Variants in ADGRB3 observed in about 807,000 individuals in gnomAD.
The protein encoded by ADGRB3 is brain-specific angiogenesis inhibitor 3.
ADGRB3 carries 37 observed loss-of-function variants against 193.4 expected under a neutral mutation model. That is an observed-to-expected ratio of 0.19 (90% CI 0.15 to 0.25). The LOEUF is 0.25. Ranked by LOEUF, ADGRB3 falls within the 10% of genes least tolerant of loss-of-function variation. The pLI is 1.00. For missense variants in ADGRB3, 1,637 were observed against 1,852.9 expected (o/e 0.88, Z 2.14); for synonymous variants, 690 against 644.2 (o/e 1.07, Z -1.08).
chr6:69,227,397 A>G (rs1446163177), intron 17 of ADGRB3, among the ~76,000 whole-genome samples: 1 of 152,210 alleles, frequency 6.6e-6, no homozygotes, highest in Non-Finnish European at 1.5e-5. Flanking sequence ...GATAGTTTTC[A>G]AAGGAGTGAC....
intron 30 of ADGRB3, among the ~76,000 whole-genome samples, chr6:69,382,399 G>T (rs960218680): frequency 1.3e-5 from 2 of 151,882 alleles, no homozygotes; most frequent in Non-Finnish European, 2.9e-5. Context: ...AGCCAGCTAG[G>T]ATTTTAGTGT....
At chr6:69,295,802 C>T (rs1767803543) in intron 20 of ADGRB3, among the ~76,000 whole-genome samples, 1 of 152,136 alleles carries the variant, frequency 6.6e-6, no homozygotes, top group Non-Finnish European at 1.5e-5. Flanking sequence ...AGTCAATAAC[C>T]TGCAAACCAT....
intron 17 of ADGRB3, among the ~76,000 whole-genome samples, chr6:69,125,329 G>A (rs1186136201): frequency 2.0e-5 from 3 of 152,112 alleles, no homozygotes; most frequent in African/African-American, 7.2e-5. Context: ...TAACTCAATT[G>A]CTTTGTGTAC....
At chr6:69,007,779 C>T (rs781718875) in intron 11 of ADGRB3, among the ~76,000 whole-genome samples, 2 of 151,990 alleles carry the variant, frequency 1.3e-5, no homozygotes, top group Non-Finnish European at 2.9e-5. Flanking sequence ...TTTCGTGTCA[C>T]TGTCTCAGTC....
chr6:68,913,955 G>A (rs994495955), intron 3 of ADGRB3, among the ~76,000 whole-genome samples: 5 of 151,200 alleles, frequency 3.3e-5, no homozygotes, highest in Non-Finnish European at 7.4e-5. Context: ...GATGGAAGAT[G>A]AAATGAAGGA....
chr6:69,000,720 T>C (rs1458412494), intron 11 of ADGRB3, among the ~76,000 whole-genome samples: 1 of 152,228 alleles, frequency 6.6e-6, no homozygotes, highest in African/African-American at 2.4e-5. Context: ...AAAGTGCACA[T>C]TGGCCAACTC....
At chr6:69,034,647 G>T (rs535928370) in intron 13 of ADGRB3, among the ~76,000 whole-genome samples, 3 of 146,190 alleles carry the variant, frequency 2.1e-5, no homozygotes, top group Admixed American at 1.4e-4. Flanking sequence ...TAACTATATG[G>T]TGAGAGACAG....
intron 3 of ADGRB3, among the ~76,000 whole-genome samples, chr6:68,914,587 T>C (rs1025696877): frequency 6.6e-6 from 1 of 152,072 alleles, no homozygotes; most frequent in Non-Finnish European, 1.5e-5. Context: ...CACTGCAAAA[T>C]CATGCCAAAT....
intron 17 of ADGRB3, among the ~76,000 whole-genome samples, chr6:69,218,812 TACA>T (rs1242384035): frequency 1.3e-5 from 2 of 152,170 alleles, no homozygotes; most frequent in Admixed American, 6.5e-5. Flanking sequence ...GGATTTTCTG[TACA>T]ACAACTGAGT....
chr6:68,919,570 C>T (rs896936154), intron 3 of ADGRB3, among the ~76,000 whole-genome samples: 6 of 151,934 alleles, frequency 3.9e-5, no homozygotes, highest in Non-Finnish European at 7.4e-5. Flanking sequence ...GGGAAAAACT[C>T]ACATTTAGAG....
At chr6:68,932,863 A>T (rs1398565823) in intron 4 of ADGRB3, among the ~76,000 whole-genome samples, 1 of 150,380 alleles carries the variant, frequency 6.6e-6, no homozygotes, top group Non-Finnish European at 1.5e-5. Flanking sequence ...AAAGGCTATC[A>T]CACTTTAATA....
intron 20 of ADGRB3, among the ~76,000 whole-genome samples, chr6:69,254,940 G>T (rs1241765368): frequency 6.2e-5 from 9 of 144,930 alleles, no homozygotes; most frequent in African/African-American, 2.3e-4. Context: ...TCCCACCTAT[G>T]AGTGAGAACA....
intron 24 of ADGRB3, among the ~76,000 whole-genome samples, chr6:69,334,175 T>A (rs1443535621): frequency 6.6e-6 from 1 of 151,958 alleles, no homozygotes; most frequent in Non-Finnish European, 1.5e-5. Flanking sequence ...TTTACAGCTT[T>A]CTCCTTTCCA....
intron 3 of ADGRB3, among the ~76,000 whole-genome samples, chr6:68,728,327 C>A (rs1017804148): frequency 6.6e-6 from 1 of 151,290 alleles, no homozygotes; most frequent in Non-Finnish European, 1.5e-5. Context: ...CTTTCCATAT[C>A]TAGATTTATG....
intron 3 of ADGRB3, among the ~76,000 whole-genome samples, chr6:68,708,695 CAA>C (rs1239522650): frequency 2.6e-5 from 4 of 152,150 alleles, no homozygotes; most frequent in Non-Finnish European, 1.5e-5. Context: ...TGAATTATTT[CAA>C]GAGTAGCTAA....
intron 3 of ADGRB3, among the ~76,000 whole-genome samples, chr6:68,652,451 G>A (rs1768389023): frequency 6.6e-6 from 1 of 152,168 alleles, no homozygotes; most frequent in South Asian, 2.1e-4. Flanking sequence ...GCCCCCTGTT[G>A]GACATCAAGA....
At chr6:69,133,121 T>C (rs1774058429) in intron 17 of ADGRB3, among the ~76,000 whole-genome samples, 1 of 152,152 alleles carries the variant, frequency 6.6e-6, no homozygotes, top group African/African-American at 2.4e-5. Context: ...TCTTTTTTGG[T>C]TCCATATGAA....
chr6:69,007,689 TCTCTCA>T lies in ADGRB3; in HGVS notation c.1930-6347_1930-6342del, dbSNP rs1291542770. 8.0e-3 allele frequency among the ~76,000 whole-genome samples: 952 copies of T among 118,650 alleles called. 2 individuals carry two copies. Among genetic ancestry groups the T allele is most frequent in the African/African-American group, 0.013 (420 of 31,764 alleles). The allele number at this position is 118,650 out of a possible 152,430, so 77.8% of individuals were successfully genotyped here. On this transcript the variant is annotated intron_variant, in intron 11 of 31. Transcript: ENST00000370598. ...TAATCTCTCTCTCTCTCTCTCTCTC[TCTCTCA>T]CACACACACACACACACACACACAC...
chr6:68,876,452 T>C (rs1028419641), intron 3 of ADGRB3, among the ~76,000 whole-genome samples: 10 of 152,174 alleles, frequency 6.6e-5, no homozygotes, highest in African/African-American at 7.2e-5. Flanking sequence ...CACGCTTTCA[T>C]AGAAAGTGCC....
Sources: allele counts gnomAD v4.1 joint callset (sites outside exome capture counted in the v4.1 genomes callset), GRCh38; gene constraint gnomAD v4.1.1; transcripts MANE v1.5; gene names NCBI Gene and HGNC (gene_info 2026-07-23, HGNC 2026-07-21).